SEH1L: variants seen among roughly 807,000 people sequenced by gnomAD.
SEH1L encodes SEH1 like nucleoporin.
In SEH1L, 18 loss-of-function variants were observed where a neutral mutation model predicts 49.5. The observed-to-expected ratio is 0.36, with a 90% confidence interval of 0.25 to 0.54. The LOEUF is 0.54. SEH1L is among the 20% of genes least tolerant of loss of function. The pLI is 0.87. For synonymous variants in SEH1L, 169 were observed against 178.1 expected (o/e 0.95, Z 0.41); for missense variants, 404 against 528.8 (o/e 0.76, Z 2.31).
At chr18:12,966,703 A>G (rs1456602791) in intron 4 of SEH1L, among the ~76,000 whole-genome samples, 1 of 152,186 alleles carries the variant, frequency 6.6e-6, no homozygotes, top group Non-Finnish European at 1.5e-5. Context: ...CACTTGGCCA[A>G]TCCTGCTTGA....
chr18:12,982,467 A>G (rs527345062), intron 6 of SEH1L, 51 bp from the exon 7 acceptor site: 14 of 1,381,034 alleles, frequency 1.0e-5, no homozygotes, highest in African/African-American at 5.8e-5. Flanking sequence ...GTATATATAT[A>G]TGTTTTAAAA....
intron 1 of SEH1L, 81 bp downstream of exon 1, chr18:12,948,313 G>T: frequency 9.6e-7 from 1 of 1,044,586 alleles, no homozygotes. Flanking sequence ...ACGGGGCTGT[G>T]TCTTGGTTCA....
rs2032494770 is a variant in SEH1L at position 12,987,073 on chromosome 18, T to C, written c.*16T>C. 1 of 1,527,772 alleles carries C rather than the reference T, an allele frequency of 6.5e-7. No individual in the cohort carries two copies. Among genetic ancestry groups the C allele is most frequent in the African/African-American group, 1.4e-5 (1 of 72,188 alleles). The allele number at this position is 1,527,772 out of a possible 1,614,324, so 94.6% of individuals were successfully genotyped here. A position where few individuals can be genotyped will look rare whatever the true frequency, so the allele number is the denominator to read the frequency against. ...AGGGATTTAAAACACTGATTTAACA[T>C]TGAAAGGCCTTATTCAAGTGCTTGT... On this transcript the variant is annotated 3_prime_UTR_variant, in exon 9 of 9. Coordinates refer to ENST00000399892, the MANE Select transcript of SEH1L (RefSeq NM_001013437.2).
intron 2 of SEH1L, among the ~76,000 whole-genome samples, chr18:12,952,145 C>T (rs543391574): frequency 7.3e-5 from 11 of 151,172 alleles, no homozygotes; most frequent in Admixed American, 6.6e-4. Flanking sequence ...ATTCCTTTTG[C>T]CTTTACATAT....
At chr18:12,985,875 G>T (rs1022060287) in intron 8 of SEH1L, 7 of 968,432 alleles carry the variant, frequency 7.2e-6, no homozygotes, top group East Asian at 2.3e-4. Context: ...TGACTGTACA[G>T]TTTGTAGCCA....
chr18:12,957,604 A>G (rs564980371), intron 3 of SEH1L, among the ~76,000 whole-genome samples: 1 of 152,354 alleles, frequency 6.6e-6, no homozygotes, highest in South Asian at 2.1e-4. Flanking sequence ...CAGCATTTTC[A>G]TATGAAGGTA....
At position 12,971,162 on chromosome 18, in the gene SEH1L, T is replaced by A. The variant is rs186480253; in HGVS notation, c.531T>A (p.Ala177=). Residue 177 remains alanine, a synonymous_variant, in exon 5 of 9, where the codon GCT becomes GCA. Coordinates refer to ENST00000399892, the MANE Select transcript of SEH1L (RefSeq NM_001013437.2). The part of the protein sequence containing the change: ...CISWNPSSSR[A]HSPMIAVGSD... ...TTCTCCCCGTTTCTAGCTCTCGTGC[T>A]CATTCCCCCATGATCGCCGTAGGAA... The A allele has an allele frequency of 1.9e-6, 3 of 1,612,370 alleles. No individual in the cohort carries two copies. Among genetic ancestry groups the A allele is most frequent in the Non-Finnish European group, 2.5e-6 (3 of 1,178,556 alleles).
chr18:12,974,605 C>A (rs1475360321), intron 5 of SEH1L: 7 of 152,138 alleles, frequency 4.6e-5, no homozygotes, highest in African/African-American at 1.7e-4. Context: ...GTAGTATCAC[C>A]ATTTAGTAGA....
At position 12,971,245 on chromosome 18, in the gene SEH1L, A is replaced by G; in HGVS notation, c.614A>G (p.Asn205Ser). The change falls in exon 5 of 9, where the codon AAC becomes AGC. Residue 205 changes from asparagine to serine, a missense_variant. By Grantham distance (46) the Asn-to-Ser change is conservative. Coordinates refer to ENST00000399892, the MANE Select transcript of SEH1L (RefSeq NM_001013437.2). ...GTTCAGATTTTTGAATATAATGAAAACACCAGGTCAGTCCTGCTTTGGTTT... is the reference window on the plus strand; with the variant it reads ...GTTCAGATTTTTGAATATAATGAAAGCACCAGGTCAGTCCTGCTTTGGTTT... ...AKVQIFEYNE[N>S]TRKYAKAETL... 6.2e-7 allele frequency: 1 copy of G among 1,603,198 alleles called. No homozygotes were observed. Among genetic ancestry groups the G allele is most frequent in the Non-Finnish European group, 8.5e-7 (1 of 1,170,128 alleles).
intron 7 of SEH1L, chr18:12,983,300 G>C (rs980332183): frequency 6.6e-6 from 1 of 152,220 alleles, no homozygotes; most frequent in Non-Finnish European, 1.5e-5. Flanking sequence ...AGCTATCTTT[G>C]TTTATTTGCC....
At chr18:12,949,441 C>CGTTTTT (rs2030357119) in intron 1 of SEH1L, among the ~76,000 whole-genome samples, 1 of 85,436 alleles carries the variant, frequency 1.2e-5, no homozygotes, top group South Asian at 4.8e-4. Context: ...CTACGTTAAC[C>CGTTTTT]GTTTTTTTTT....
Position 12,985,171 on chromosome 18 carries a change from G to T in SEH1L, c.1070+981G>T. 2.7e-6 allele frequency: 4 copies of T among 1,499,646 alleles called. No individual in the cohort carries two copies. The South Asian group carries it at 3.6e-5, about 14-fold the overall frequency. The allele number at this position is 1,499,646 out of a possible 1,614,324, so 92.9% of individuals were successfully genotyped here. ...ATTTTTTGATCTGTATTCTTATTGT[G>T]CCAATAACCATCTGTGTTAGATCTG... is the stretch of plus-strand genomic sequence containing the variant. On this transcript the variant is annotated intron_variant, in intron 8 of 8. Transcript: ENST00000399892.
chr18:12,958,965 G>A, intron 3 of SEH1L, among the ~76,000 whole-genome samples: 1 of 152,176 alleles, frequency 6.6e-6, no homozygotes, highest in East Asian at 1.9e-4. Flanking sequence ...ATTCCTACCA[G>A]CAATGCTCAA....
intron 5 of SEH1L, chr18:12,974,657 T>C (rs922304844): frequency 8.5e-5 from 13 of 152,226 alleles, no homozygotes; most frequent in African/African-American, 9.6e-5. Flanking sequence ...GATATATTTG[T>C]TTTTATTTGT....
At position 12,982,659 on chromosome 18, in the gene SEH1L, T is replaced by C; in HGVS notation, c.903T>C (p.Cys301=). ...TVLASSGDDG[C]VRLWKANYMD... ...TAGCATCTTCAGGAGATGATGGGTGTGTAAGATTGTGGAAAGGTAAGAGTT... is the reference window on the plus strand; with the variant it reads ...TAGCATCTTCAGGAGATGATGGGTGCGTAAGATTGTGGAAAGGTAAGAGTT... The change falls in exon 7 of 9, where the codon TGT becomes TGC. Residue 301 remains cysteine, a synonymous_variant. Transcript: ENST00000399892. 1 of 1,609,780 alleles carries C rather than the reference T, an allele frequency of 6.2e-7. No homozygotes were observed. Among genetic ancestry groups the C allele is most frequent in the East Asian group, 2.2e-5 (1 of 44,784 alleles).
Position 12,978,732 on chromosome 18 carries a change from G to A in SEH1L, c.621-20G>A, listed in dbSNP as rs1177015792. 1 of 1,595,144 alleles carries A rather than the reference G, an allele frequency of 6.3e-7. No homozygotes were observed. Among genetic ancestry groups the A allele is most frequent in the East Asian group, 2.2e-5 (1 of 44,696 alleles). ...CACATTTTATTTCTAAAATGTTAAT[G>A]TCAATTGTTTTTCCATTAGGAAATA... On this transcript the variant is annotated intron_variant, in intron 5 of 8. Coordinates refer to ENST00000399892, the MANE Select transcript of SEH1L (RefSeq NM_001013437.2).
chr18:12,976,219 TGTGTCCTCACAGCATGGC>T (rs2031911528), intron 5 of SEH1L: 2 of 152,330 alleles, frequency 1.3e-5, no homozygotes, highest in African/African-American at 4.8e-5. Flanking sequence ...GACCCTCCCT[TGTGTCCTCACAGCATGGC>T]AGCTGCTTCT....
intron 4 of SEH1L, chr18:12,964,510 A>T (rs1015848546): frequency 6.6e-6 from 1 of 152,010 alleles, no homozygotes; most frequent in African/African-American, 2.4e-5. Flanking sequence ...GACTAGATAG[A>T]TATCTTATTT....
At chr18:12,982,831 T>A in intron 7 of SEH1L, 156 bp downstream of exon 7, 1 of 591,372 alleles carries the variant, frequency 1.7e-6, no homozygotes, top group Non-Finnish European at 2.9e-6. Flanking sequence ...GTTTACCTAG[T>A]TCATAGAAGT....
Sources: gnomAD v4.1 joint callset for allele counts (sites outside exome capture counted in the v4.1 genomes callset) on GRCh38, gnomAD v4.1.1 for gene constraint, MANE v1.5 for transcripts, NCBI Gene and HGNC (gene_info 2026-07-23, HGNC 2026-07-21) for gene names.